The following PIGU variants were observed in gnomAD, a reference collection of about 807,000 sequenced individuals.
PIGU encodes the protein phosphatidylinositol glycan anchor biosynthesis class U.
Under a neutral mutation model 49.9 loss-of-function variants are expected in PIGU, and 24 were observed. The observed-to-expected ratio is 0.48, with a 90% CI of 0.35 to 0.68. The LOEUF (loss-of-function observed/expected upper bound fraction) is 0.68. Ranked by LOEUF, PIGU falls within the 30% of genes least tolerant of loss-of-function variation. The pLI is 0.01. For missense variants in PIGU, 490 were observed against 532.6 expected (o/e 0.92, Z 0.79); for synonymous variants, 220 against 205.7 (o/e 1.07, Z -0.59).
intron 7 of PIGU, among the ~76,000 whole-genome samples, chr20:34,601,737 AATAC>A: frequency 2.0e-5 from 3 of 152,342 alleles, no homozygotes; most frequent in Admixed American, 2.0e-4. Context: ...CTTTCAAAGC[AATAC>A]ATACTATTTC....
At chr20:34,633,149 T>C (rs1985844136) in intron 6 of PIGU, among the ~76,000 whole-genome samples, 1 of 152,138 alleles carries the variant, frequency 6.6e-6, no homozygotes, top group Non-Finnish European at 1.5e-5. Flanking sequence ...AAAATATAGG[T>C]GCTGATACTG....
chr20:34,585,629 T>C (rs1406146174), intron 8 of PIGU, 49 bp from the exon 9 acceptor site: 13 of 1,590,780 alleles, frequency 8.2e-6, no homozygotes, highest in Non-Finnish European at 1.1e-5. Context: ...AGTTATAAAT[T>C]GTCTGCTTTG....
At chr20:34,640,519 ACACACACACACACACACC>A (rs1046087530) in intron 4 of PIGU, among the ~76,000 whole-genome samples, 21 of 116,148 alleles carry the variant, frequency 1.8e-4, no homozygotes, top group African/African-American at 4.6e-4. Context: ...ACACACACAC[ACACACACACACACACACC>A]CCTTAAGAAA....
At chr20:34,565,965 G>A (rs1982745415) in intron 11 of PIGU, among the ~76,000 whole-genome samples, 1 of 142,754 alleles carries the variant, frequency 7.0e-6, no homozygotes, top group East Asian at 2.1e-4. Context: ...ACACATACAC[G>A]CACACAGGTG....
At chr20:34,570,423 A>ATTATTT (rs1555794826) in intron 11 of PIGU, among the ~76,000 whole-genome samples, 7 of 149,592 alleles carry the variant, frequency 4.7e-5, no homozygotes, top group Admixed American at 6.6e-5. Flanking sequence ...ATTTATTTTT[A>ATTATTT]TTTTTTTTTG....
At chr20:34,574,714 CA>C (rs1450424008) in intron 11 of PIGU, among the ~76,000 whole-genome samples, 2 of 152,158 alleles carry the variant, frequency 1.3e-5, no homozygotes, top group African/African-American at 4.8e-5. Flanking sequence ...GTGCTGGAAC[CA>C]CAGGCACCAT....
In PIGU at chr20:34,677,037, C is replaced by G; in HGVS notation, c.49G>C (p.Ala17Pro). ...GCCAGACTGGAGCGGAACAAGGCCGCCCGCACTGTCACAGCCACCACCAGC... is the reference window on the plus strand; with the variant it reads ...GCCAGACTGGAGCGGAACAAGGCCGGCCGCACTGTCACAGCCACCACCAGC... ...LVLVVAVTVR[A>P]ALFRSSLAEF... The change falls in exon 1 of 12, where the codon GCG becomes CCG. Residue 17 changes from alanine (A) to proline (P), a missense_variant. Ala to Pro is a conservative substitution (Grantham distance 27). Coordinates refer to ENST00000217446, the MANE Select transcript of PIGU (RefSeq NM_080476.5). 3 of 1,578,518 alleles carry G rather than the reference C, an allele frequency of 1.9e-6. No individual in the cohort carries two copies. The highest frequency in any genetic ancestry group is 2.6e-6 in the Non-Finnish European group (3 of 1,162,648).
At chr20:34,591,423 T>C (rs1362159127) in intron 7 of PIGU, among the ~76,000 whole-genome samples, 1 of 152,216 alleles carries the variant, frequency 6.6e-6, no homozygotes, top group Non-Finnish European at 1.5e-5. Context: ...TTACAAATCA[T>C]ACTTATATAG....
At chr20:34,659,170 T>A in intron 1 of PIGU, among the ~76,000 whole-genome samples, 1 of 111,528 alleles carries the variant, frequency 9.0e-6, no homozygotes, top group East Asian at 3.1e-4. Context: ...GGAGCCCCTC[T>A]GCCCGGCCAG....
chr20:34,622,373 C>T (rs759005753), intron 6 of PIGU, among the ~76,000 whole-genome samples: 13 of 151,868 alleles, frequency 8.6e-5, no homozygotes, highest in African/African-American at 2.9e-4. Flanking sequence ...AAAAATTAGC[C>T]GGATGTGGTG....
At chr20:34,628,308 C>A (rs1985571641) in intron 6 of PIGU, among the ~76,000 whole-genome samples, 1 of 151,430 alleles carries the variant, frequency 6.6e-6, no homozygotes. Context: ...CACAGTGAGA[C>A]CCCATTATCC....
intron 7 of PIGU, among the ~76,000 whole-genome samples, chr20:34,595,780 C>T (rs995058031): frequency 2.6e-5 from 4 of 152,076 alleles, no homozygotes; most frequent in African/African-American, 7.2e-5. Context: ...GGTTACATGG[C>T]GCAAGAAAAG....
intron 4 of PIGU, among the ~76,000 whole-genome samples, chr20:34,643,156 CTAAAA>C (rs1419451245): frequency 6.6e-6 from 1 of 152,024 alleles, no homozygotes; most frequent in Non-Finnish European, 1.5e-5. Flanking sequence ...TACTAAGTCC[CTAAAA>C]TATAGTTCTT....
chr20:34,659,582 T>A (rs996456645), intron 1 of PIGU, among the ~76,000 whole-genome samples: 3 of 152,078 alleles, frequency 2.0e-5, no homozygotes, highest in African/African-American at 7.2e-5. Context: ...CGGGCCAGGA[T>A]GACAATGGCG....
chr20:34,625,189 T>C (rs1240208060), intron 6 of PIGU, among the ~76,000 whole-genome samples: 2 of 151,286 alleles, frequency 1.3e-5, no homozygotes, highest in Admixed American at 6.6e-5. Flanking sequence ...CTGACCAACA[T>C]GGAGAAACCC....
intron 10 of PIGU, among the ~76,000 whole-genome samples, chr20:34,576,579 A>T (rs776942316): frequency 2.6e-5 from 4 of 151,918 alleles, no homozygotes; most frequent in Non-Finnish European, 5.9e-5. Flanking sequence ...ACATTGCATC[A>T]CTCAGACCTT....
chr20:34,579,036 C>T (rs1468475216), intron 10 of PIGU: 3 of 152,132 alleles, frequency 2.0e-5, no homozygotes, highest in Non-Finnish European at 4.4e-5. Flanking sequence ...AAAATCCAGT[C>T]CAATCAGAAG....
chr20:34,626,639 T>C (rs1248091395), intron 6 of PIGU, among the ~76,000 whole-genome samples: 2 of 152,172 alleles, frequency 1.3e-5, no homozygotes, highest in Non-Finnish European at 2.9e-5. Context: ...TGCCCATGGT[T>C]GTACAAATTT....
In PIGU at chr20:34,650,700, C is replaced by CTTTTTTTTTTTTTTTTTTTTT. The variant is rs59998699; in HGVS notation, c.196-5387_196-5367dup. On this transcript the variant is annotated intron_variant, in intron 2 of 11. Coordinates refer to ENST00000217446, the MANE Select transcript of PIGU (RefSeq NM_080476.5). ...AATTTTTTTCCTTTTCTTTTTTTCT[C>CTTTTTTTTTTTTTTTTTTTTT]TTTTTTTTTTTTTTTTTTTTTTTTT... is the stretch of plus-strand genomic sequence containing the variant. Among the ~76,000 whole-genome samples the CTTTTTTTTTTTTTTTTTTTTT allele has an allele frequency of 1.3e-3, 52 of 38,798 alleles. 15 individuals carry two copies. Among genetic ancestry groups the CTTTTTTTTTTTTTTTTTTTTT allele is most frequent in the African/African-American group, 1.6e-3 (14 of 8,610 alleles). 25.5% of individuals were successfully genotyped at this position (38,798 alleles called of 152,430 possible). A position where few individuals can be genotyped will look rare whatever the true frequency, so the allele number is the denominator to read the frequency against.
Sources: allele counts gnomAD v4.1 joint callset (sites outside exome capture counted in the v4.1 genomes callset), GRCh38; gene constraint gnomAD v4.1.1; transcripts MANE v1.5; gene names NCBI Gene and HGNC (gene_info 2026-07-23, HGNC 2026-07-21).